The following SULF2 variants were observed in gnomAD, a reference collection of about 807,000 sequenced individuals.
The protein encoded by SULF2 is sulfatase 2.
A neutral mutation model predicts 107.7 loss-of-function variants in SULF2; 52 were observed. That is an observed-to-expected ratio of 0.48 (90% CI 0.39 to 0.61). The LOEUF (loss-of-function observed/expected upper bound fraction) is 0.61, where lower values mean the gene tolerates loss of function less well. Ranked by LOEUF, SULF2 falls within the 20% of genes least tolerant of loss-of-function variation. The probability of loss-of-function intolerance (pLI) is 0.00; values close to 1 mark genes in which losing one functional copy is unlikely to be tolerated. For missense variants in SULF2, 993 were observed against 1,177.3 expected, an observed-to-expected ratio of 0.84 and a Z score of 2.29; for synonymous variants, 460 against 464.3, an observed-to-expected ratio of 0.99 and a Z score of 0.12.
chr20:47,689,802 CA>C (rs1361117833), intron 5 of SULF2: 1 of 209,402 alleles, frequency 4.8e-6, no homozygotes, highest in African/African-American at 2.3e-5. Flanking sequence ...ACCCCCTCCT[CA>C]AAAGAATGTT....
intron 2 of SULF2, among the ~76,000 whole-genome samples, chr20:47,750,067 C>T (rs772967184): frequency 1.7e-4 from 26 of 152,196 alleles, no homozygotes; most frequent in South Asian, 6.2e-4. Context: ...CTGCAACCTC[C>T]GCCTCCTGGG....
At chr20:47,732,562 C>T (rs1425961457) in intron 3 of SULF2, among the ~76,000 whole-genome samples, 1 of 152,170 alleles carries the variant, frequency 6.6e-6, no homozygotes, top group Non-Finnish European at 1.5e-5. Flanking sequence ...GAGGATGTGG[C>T]GAGGTGCAGT....
At chr20:47,714,419 T>A in intron 3 of SULF2, among the ~76,000 whole-genome samples, 1 of 142,716 alleles carries the variant, frequency 7.0e-6, no homozygotes, top group East Asian at 2.3e-4. Context: ...CTGTCCTCCC[T>A]CACATATGTC....
chr20:47,665,827 G>C (rs1360334826), intron 13 of SULF2, 30 bp downstream of exon 13: 1 of 1,598,274 alleles, frequency 6.3e-7, no homozygotes, highest in South Asian at 1.1e-5. Flanking sequence ...TGGTGGCCGA[G>C]AGCATGCTCC....
chr20:47,701,233 G>A (rs1201325982), intron 4 of SULF2, among the ~76,000 whole-genome samples: 3 of 152,212 alleles, frequency 2.0e-5, no homozygotes, highest in African/African-American at 2.4e-5. Flanking sequence ...AATAATCCAC[G>A]CTGTCAGAAG....
chr20:47,711,787 T>C (rs2088937381), intron 3 of SULF2, among the ~76,000 whole-genome samples: 7 of 152,192 alleles, frequency 4.6e-5, no homozygotes, highest in Admixed American at 4.6e-4. Context: ...ATACAACACA[T>C]ACATATACAC....
chr20:47,672,159 C>T, intron 11 of SULF2, 39 bp downstream of exon 11: 2 of 1,566,930 alleles, frequency 1.3e-6, no homozygotes, highest in Non-Finnish European at 1.7e-6. Context: ...GGCATGGTCT[C>T]TCTCCTCCTG....
intron 3 of SULF2, among the ~76,000 whole-genome samples, chr20:47,704,563 G>A (rs1001620339): frequency 4.6e-5 from 7 of 152,148 alleles, no homozygotes; most frequent in East Asian, 1.9e-4. Flanking sequence ...GAGAGCCACC[G>A]TGTCTGGCTT....
intron 3 of SULF2, among the ~76,000 whole-genome samples, chr20:47,731,401 C>G (rs1252716308): frequency 6.6e-6 from 1 of 151,914 alleles, no homozygotes; most frequent in Non-Finnish European, 1.5e-5. Flanking sequence ...CCATGTTGGT[C>G]AGGCTGGTCT....
chr20:47,786,151 G>A (rs1029024091), upstream of SULF2: 4 of 152,282 alleles, frequency 2.6e-5, no homozygotes, highest in African/African-American at 9.6e-5. Context: ...AGAGCCTTGT[G>A]TGCACGTGTG....
chr20:47,699,265 G>C (rs2088483538), intron 4 of SULF2, among the ~76,000 whole-genome samples: 1 of 152,080 alleles, frequency 6.6e-6, no homozygotes, highest in South Asian at 2.1e-4. Flanking sequence ...GCCAGCACTT[G>C]GCATGGTACC....
At chr20:47,759,808 C>A (rs138358470) in intron 1 of SULF2, among the ~76,000 whole-genome samples, 1 of 152,214 alleles carries the variant, frequency 6.6e-6, no homozygotes, top group Non-Finnish European at 1.5e-5. Context: ...AAAGCGGGGG[C>A]CCCCAACCCA....
At chr20:47,763,188 C>T (rs1905205387) in intron 1 of SULF2, among the ~76,000 whole-genome samples, 1 of 152,224 alleles carries the variant, frequency 6.6e-6, no homozygotes, top group African/African-American at 2.4e-5. Context: ...TCTCTGGCTC[C>T]TCCTCTCCAT....
At position 47,683,155 on chromosome 20, in the gene SULF2, C is replaced by G. The variant is rs772718266; in HGVS notation, c.903G>C (p.Leu301=). ...DDSMETIYNM[L]VETGELDNTY... is the part of the protein sequence containing the mutation. ...TGTTGTCCAGCTCGCCCGTCTCAAC[C>G]AGCATGTTGTAAATCTGCAACACGG... Residue 301 remains leucine, a synonymous_variant, in exon 7 of 21, where the codon CTG becomes CTC. Transcript: ENST00000688720. The G allele has an allele frequency of 6.2e-7, 1 of 1,601,568 alleles. No individual in the cohort carries two copies.
At chr20:47,747,876 C>T (rs898435448) in intron 2 of SULF2, among the ~76,000 whole-genome samples, 2 of 152,094 alleles carry the variant, frequency 1.3e-5, no homozygotes, top group East Asian at 3.9e-4. Flanking sequence ...TAAAGCAAAC[C>T]CTGCCGACCT....
chr20:47,731,464 A>C (rs1334049624), intron 3 of SULF2, among the ~76,000 whole-genome samples: 1 of 152,034 alleles, frequency 6.6e-6, no homozygotes, highest in Non-Finnish European at 1.5e-5. Flanking sequence ...AAGTGCTGGG[A>C]TCACAGGCTT....
At position 47,702,587 on chromosome 20, in the gene SULF2, A is replaced by C; in HGVS notation, c.499T>G (p.Ser167Ala). 6.2e-7 allele frequency: 1 copy of C among 1,613,586 alleles called. No homozygotes were observed. Among genetic ancestry groups the C allele is most frequent in the Non-Finnish European group, 8.5e-7 (1 of 1,180,008 alleles). The change falls in exon 4 of 21, where the codon TCC becomes GCC. Residue 167 changes from serine to alanine, a missense_variant. Around this residue, in one of 3 missense-constraint regions of SULF2, gnomAD observed 388 missense variants for 449.2 expected, o/e 0.86. Transcript: ENST00000688720. ...CACAGCGTGTAGTTATAAAAGCGGG[A>C]GTTTTTAAGGAGTCCGACCCACTCC... ...WKEWVGLLKNSRFYNYTLCRN... is the reference protein window; with the variant it reads ...WKEWVGLLKNARFYNYTLCRN...
At chr20:47,704,539 CTGAGA>C (rs2088668377) in intron 3 of SULF2, among the ~76,000 whole-genome samples, 2 of 152,262 alleles carry the variant, frequency 1.3e-5, no homozygotes, top group South Asian at 2.1e-4. Flanking sequence ...TCCCAAGGTG[CTGAGA>C]TGACAGGCGA....
upstream of SULF2, among the ~76,000 whole-genome samples, chr20:47,785,655 A>G: frequency 6.9e-6 from 1 of 145,204 alleles, no homozygotes; most frequent in Non-Finnish European, 1.5e-5. Flanking sequence ...TGCCCCAGCC[A>G]GCCCCTTGGC....
Sources: allele counts gnomAD v4.1 joint callset (sites outside exome capture counted in the v4.1 genomes callset), GRCh38; gene constraint gnomAD v4.1.1; regional missense constraint gnomAD v4.1.1; transcripts MANE v1.5; gene names NCBI Gene and HGNC (gene_info 2026-07-23, HGNC 2026-07-21).